ALK: variants seen among roughly 807,000 people sequenced by gnomAD.
ALK encodes ALK receptor tyrosine kinase.
In ALK, 74 loss-of-function variants were observed where a neutral mutation model predicts 163.1. That is an observed-to-expected ratio of 0.45 (90% CI 0.38 to 0.55). ALK has a LOEUF of 0.55. Ranked by LOEUF, ALK falls within the 20% of genes least tolerant of loss-of-function variation. The probability of loss-of-function intolerance (pLI) is 0.00; values close to 1 mark genes in which losing one functional copy is unlikely to be tolerated. For synonymous variants in ALK, 960 were observed against 843.2 expected, an observed-to-expected ratio of 1.14 and a Z score of -2.40; for missense variants, 2,063 against 2,105.3, an observed-to-expected ratio of 0.98 and a Z score of 0.39.
intron 28 of ALK, among the ~76,000 whole-genome samples, 183 bp from the exon 29 acceptor site, chr2:29,194,105 A>G (rs1415549480): frequency 6.6e-6 from 1 of 152,144 alleles, no homozygotes; most frequent in Non-Finnish European, 1.5e-5. Context: ...CCTTATCCTC[A>G]AAGACCTTAG....
chr2:29,620,011 A>C (rs1466549021), intron 3 of ALK, among the ~76,000 whole-genome samples: 2 of 152,222 alleles, frequency 1.3e-5, no homozygotes, highest in East Asian at 1.9e-4. Flanking sequence ...TTCTGGGTTC[A>C]TTACTTGGCT....
intron 5 of ALK, among the ~76,000 whole-genome samples, chr2:29,345,795 A>T (rs1667932182): frequency 6.6e-6 from 1 of 152,186 alleles, no homozygotes; most frequent in South Asian, 2.1e-4. Flanking sequence ...AACCCTTATT[A>T]ACATGAGAAA....
At chr2:29,849,856 C>T (rs1031174798) in intron 1 of ALK, among the ~76,000 whole-genome samples, 2 of 151,732 alleles carry the variant, frequency 1.3e-5, no homozygotes, top group African/African-American at 4.8e-5. Flanking sequence ...CTGGTAGTGC[C>T]CTCCCCCCTC....
At chr2:29,366,865 C>T (rs1475589618) in intron 5 of ALK, among the ~76,000 whole-genome samples, 1 of 152,108 alleles carries the variant, frequency 6.6e-6, no homozygotes, top group Non-Finnish European at 1.5e-5. Flanking sequence ...ATGGGTTTTC[C>T]AAAGAGCTAA....
intron 6 of ALK, among the ~76,000 whole-genome samples, chr2:29,324,781 T>G (rs1667200778): frequency 6.6e-6 from 1 of 152,182 alleles, no homozygotes; most frequent in Non-Finnish European, 1.5e-5. Context: ...TCACTTGGAT[T>G]TGGCGATGTT....
At chr2:29,909,480 C>CAGAGAGAGAGAGAGAGAGAGAGAGAGAG (rs369360033) in intron 1 of ALK, among the ~76,000 whole-genome samples, 2 of 135,888 alleles carry the variant, frequency 1.5e-5, no homozygotes, top group African/African-American at 2.7e-5. Flanking sequence ...GACAGACAGA[C>CAGAGAGAGAGAGAGAGAGAGAGAGAGAG]AGAGAGAGAG....
At chr2:29,878,922 A>C (rs890372235) in intron 1 of ALK, among the ~76,000 whole-genome samples, 1 of 152,234 alleles carries the variant, frequency 6.6e-6, no homozygotes, top group East Asian at 1.9e-4. Context: ...GAGAGAATCC[A>C]GGGCAAAATG....
intron 1 of ALK, among the ~76,000 whole-genome samples, chr2:29,750,515 T>A (rs1275156747): frequency 6.6e-6 from 1 of 151,716 alleles, no homozygotes; most frequent in Non-Finnish European, 1.5e-5. Context: ...ATTAAAAAAT[T>A]AGCTGGGCAT....
intron 4 of ALK, among the ~76,000 whole-genome samples, chr2:29,453,888 C>A (rs919442264): frequency 1.3e-5 from 2 of 152,116 alleles, no homozygotes; most frequent in Non-Finnish European, 2.9e-5. Flanking sequence ...ACCCCAGGGA[C>A]ACACAAAAGC....
At chr2:29,904,085 C>T (rs530217574) in intron 1 of ALK, among the ~76,000 whole-genome samples, 1 of 152,132 alleles carries the variant, frequency 6.6e-6, no homozygotes, top group Non-Finnish European at 1.5e-5. Flanking sequence ...AACTCTCTTC[C>T]CTCTTTCCAC....
chr2:29,582,229 G>A (rs933700702), intron 3 of ALK, among the ~76,000 whole-genome samples: 1 of 152,178 alleles, frequency 6.6e-6, no homozygotes, highest in African/African-American at 2.4e-5. Flanking sequence ...GTGCAGCAGA[G>A]GGAAACGGCC....
chr2:29,644,499 G>A (rs1291017646), intron 3 of ALK, among the ~76,000 whole-genome samples: 1 of 152,094 alleles, frequency 6.6e-6, no homozygotes, highest in Non-Finnish European at 1.5e-5. Context: ...GAAACACAGA[G>A]AGATTACAGT....
At chr2:29,633,361 A>G (rs1676435318) in intron 3 of ALK, among the ~76,000 whole-genome samples, 1 of 152,190 alleles carries the variant, frequency 6.6e-6, no homozygotes, top group Admixed American at 6.5e-5. Flanking sequence ...GGAAGTCTCA[A>G]GTAAATTTAA....
chr2:29,690,785 T>C (rs1351962077), intron 3 of ALK, among the ~76,000 whole-genome samples: 2 of 152,256 alleles, frequency 1.3e-5, no homozygotes, highest in African/African-American at 4.8e-5. Context: ...ATTGGTATCA[T>C]CTTGCTGCCT....
intron 5 of ALK, among the ~76,000 whole-genome samples, chr2:29,377,673 G>T (rs1041227889): frequency 6.6e-6 from 1 of 152,042 alleles, no homozygotes; most frequent in Non-Finnish European, 1.5e-5. Context: ...AAGGCTTCAG[G>T]CTCTAGAAAA....
chr2:29,733,605 C>T (rs1052580364), intron 1 of ALK, among the ~76,000 whole-genome samples: 9 of 152,190 alleles, frequency 5.9e-5, no homozygotes, highest in African/African-American at 2.2e-4. Context: ...TTATGAAGCA[C>T]TTAGCACAAT....
At chr2:29,859,078 T>G (rs544854219) in intron 1 of ALK, among the ~76,000 whole-genome samples, 1 of 152,092 alleles carries the variant, frequency 6.6e-6, no homozygotes, top group African/African-American at 2.4e-5. Context: ...TCTGACCCAG[T>G]TGATCTTCCA....
chr2:29,752,130 G>A (rs1165226442), intron 1 of ALK, among the ~76,000 whole-genome samples: 1 of 152,004 alleles, frequency 6.6e-6, no homozygotes, highest in Non-Finnish European at 1.5e-5. Flanking sequence ...ACTTTATGAT[G>A]GTGCAAAAGC....
chr2:29,519,038 C>G (rs1214264112), intron 4 of ALK, among the ~76,000 whole-genome samples: 4 of 152,158 alleles, frequency 2.6e-5, no homozygotes, highest in South Asian at 2.1e-4. Flanking sequence ...TCACAAAGAG[C>G]CTACAAGGTA....
Sources: allele counts gnomAD v4.1 joint callset (sites outside exome capture counted in the v4.1 genomes callset), GRCh38; gene constraint gnomAD v4.1.1; transcripts MANE v1.5; gene names NCBI Gene and HGNC (gene_info 2026-07-23, HGNC 2026-07-21).